MTA3: variants seen among roughly 807,000 people sequenced by gnomAD.
MTA3 encodes metastasis-associated protein MTA3.
MTA3 carries 34 observed loss-of-function variants against 83.5 expected under a neutral mutation model. The observed-to-expected ratio is 0.41, with a 90% CI of 0.31 to 0.54. MTA3 has a LOEUF of 0.54. Ranked by LOEUF, MTA3 falls within the 20% of genes least tolerant of loss-of-function variation. The probability of loss-of-function intolerance (pLI) is 0.33; values close to 1 mark genes in which losing one functional copy is unlikely to be tolerated. For missense variants in MTA3, 761 were observed against 726.4 expected (o/e 1.05, Z -0.55); for synonymous variants, 303 against 252.7 (o/e 1.20, Z -1.89).
At chr2:42,658,782 T>G (rs1380125409) in intron 7 of MTA3, among the ~76,000 whole-genome samples, 3 of 152,096 alleles carry the variant, frequency 2.0e-5, no homozygotes, top group Non-Finnish European at 2.9e-5. Context: ...TTATAAAATT[T>G]CTTCCTTAGG....
At chr2:42,618,909 C>A (rs1009782476) in intron 4 of MTA3, among the ~76,000 whole-genome samples, 3 of 152,164 alleles carry the variant, frequency 2.0e-5, no homozygotes, top group African/African-American at 7.2e-5. Context: ...GTGAGCCTGG[C>A]CCATTTTTCT....
chr2:42,550,981 G>T (rs1677078455), intron 2 of MTA3, among the ~76,000 whole-genome samples: 1 of 151,616 alleles, frequency 6.6e-6, no homozygotes, highest in Non-Finnish European at 1.5e-5. Context: ...AATCCAGGAG[G>T]GGAGGTTGCA....
chr2:42,571,021 TAAAAATAA>T (rs1334682962), intron 2 of MTA3, among the ~76,000 whole-genome samples: 3 of 149,354 alleles, frequency 2.0e-5, no homozygotes, highest in Non-Finnish European at 3.0e-5. Context: ...CAAAAAAAAA[TAAAAATAA>T]AAAAATAAAA....
At chr2:42,658,710 T>C (rs925555557) in intron 7 of MTA3, among the ~76,000 whole-genome samples, 7 of 152,200 alleles carry the variant, frequency 4.6e-5, no homozygotes. Context: ...GTGTTCACTT[T>C]ACAGTAACTA....
chr2:42,728,542 A>G (rs1455582999), intron 16 of MTA3, among the ~76,000 whole-genome samples: 2 of 152,174 alleles, frequency 1.3e-5, no homozygotes, highest in African/African-American at 2.4e-5. Context: ...ACTAATTTAC[A>G]TTCCCACCAA....
chr2:42,636,861 G>A (rs188973930), intron 4 of MTA3, among the ~76,000 whole-genome samples: 1,616 of 152,092 alleles, frequency 0.011, 24 homozygotes, highest in African/African-American at 0.037. Context: ...TCCTGACCTC[G>A]TGACCCGCCC....
intron 8 of MTA3, among the ~76,000 whole-genome samples, chr2:42,680,457 G>A (rs1318016174): frequency 6.6e-6 from 1 of 152,142 alleles, no homozygotes; most frequent in African/African-American, 2.4e-5. Context: ...TTAATAAGTA[G>A]CAGGAGATAC....
chr2:42,563,292 C>T (rs916807521), intron 2 of MTA3, among the ~76,000 whole-genome samples: 1 of 152,192 alleles, frequency 6.6e-6, no homozygotes, highest in African/African-American at 2.4e-5. Context: ...TCTCAGCCTC[C>T]CAAGTAGCTG....
At chr2:42,714,400 A>T (rs1246238102) in intron 14 of MTA3, among the ~76,000 whole-genome samples, 2 of 152,186 alleles carry the variant, frequency 1.3e-5, no homozygotes, top group Non-Finnish European at 2.9e-5. Flanking sequence ...ATAAAAAAAA[A>T]ATCATGAGTT....
chr2:42,545,744 T>C (rs1676731202), intron 2 of MTA3, among the ~76,000 whole-genome samples: 1 of 152,122 alleles, frequency 6.6e-6, no homozygotes, highest in Non-Finnish European at 1.5e-5. Flanking sequence ...TTAAAGAAGC[T>C]TGGGATACAA....
intron 14 of MTA3, 30 bp downstream of exon 14, chr2:42,709,126 A>G (rs1286280140): frequency 6.4e-7 from 1 of 1,553,960 alleles, no homozygotes; most frequent in Non-Finnish European, 8.7e-7. Flanking sequence ...TTAACCTTAT[A>G]TGTTGTGCTT....
At chr2:42,574,522 C>T (rs528005317) in intron 2 of MTA3, among the ~76,000 whole-genome samples, 1 of 152,066 alleles carries the variant, frequency 6.6e-6, no homozygotes, top group East Asian at 1.9e-4. Context: ...CTGCAACCTC[C>T]TCCTCCCAGG....
intron 12 of MTA3, among the ~76,000 whole-genome samples, chr2:42,705,432 C>T (rs1437645765): frequency 6.6e-6 from 1 of 152,162 alleles, no homozygotes; most frequent in African/African-American, 2.4e-5. Flanking sequence ...AGGCAGGGTG[C>T]TGTGGCTCAT....
intron 16 of MTA3, among the ~76,000 whole-genome samples, chr2:42,739,862 C>G (rs1668895042): frequency 6.6e-6 from 1 of 152,240 alleles, no homozygotes; most frequent in Non-Finnish European, 1.5e-5. Flanking sequence ...TAAGAAGCAA[C>G]TACTCATCTG....
At chr2:42,508,809 TTATA>T (rs1354629213) in intron 2 of MTA3, among the ~76,000 whole-genome samples, 4 of 146,982 alleles carry the variant, frequency 2.7e-5, no homozygotes, top group African/African-American at 9.9e-5. Flanking sequence ...ATATTGTAAA[TTATA>T]TATGATATAT....
At chr2:42,539,976 T>C (rs1414877311) in intron 2 of MTA3, among the ~76,000 whole-genome samples, 2 of 152,108 alleles carry the variant, frequency 1.3e-5, no homozygotes, top group African/African-American at 4.8e-5. Flanking sequence ...TGGCTTCTTC[T>C]GCTCAGCTAG....
chr2:42,514,395 G>C (rs1173545001), intron 2 of MTA3, among the ~76,000 whole-genome samples: 1 of 151,728 alleles, frequency 6.6e-6, no homozygotes, highest in Non-Finnish European at 1.5e-5. Flanking sequence ...TTGTTTGTTT[G>C]TTTTGAGATA....
intron 3 of MTA3, among the ~76,000 whole-genome samples, chr2:42,594,724 A>T (rs867833615): frequency 4.9e-3 from 154 of 31,242 alleles, no homozygotes; most frequent in African/African-American, 0.028. Flanking sequence ...ATATATATAT[A>T]TATATTTTTT....
intron 2 of MTA3, among the ~76,000 whole-genome samples, chr2:42,525,222 T>C (rs370579622): frequency 1.3e-5 from 2 of 151,034 alleles, no homozygotes; most frequent in African/African-American, 4.9e-5. Flanking sequence ...ATTTTGAGTT[T>C]GGGGTTTTGC....
Sources: allele counts gnomAD v4.1 joint callset (sites outside exome capture counted in the v4.1 genomes callset), GRCh38; gene constraint gnomAD v4.1.1; transcripts MANE v1.5; gene names NCBI Gene and HGNC (gene_info 2026-07-23, HGNC 2026-07-21).